SEMA6A: variants seen among roughly 807,000 people sequenced by gnomAD.
SEMA6A encodes the protein semaphorin-6A.
SEMA6A carries 25 observed loss-of-function variants against 96.8 expected under a neutral mutation model. The ratio of observed to expected loss-of-function variants is 0.26; its 90% CI spans 0.19 to 0.36. SEMA6A has a LOEUF of 0.36. SEMA6A is among the 10% of genes least tolerant of loss of function. SEMA6A has a pLI of 1.00. For synonymous variants in SEMA6A, 612 were observed against 518.0 expected (o/e 1.18, Z -2.46); for missense variants, 1,363 against 1,323.1 (o/e 1.03, Z -0.47).
chr5:116,567,487 T>C (rs1312943907), intron 1 of SEMA6A, among the ~76,000 whole-genome samples: 1 of 152,242 alleles, frequency 6.6e-6, no homozygotes, highest in Non-Finnish European at 1.5e-5. Context: ...ATACCTTATG[T>C]TGAATGACTG....
At position 116,447,015 on chromosome 5, in the gene SEMA6A, C is replaced by G. The variant is rs1286594588; in HGVS notation, c.2691G>C (p.Gln897His). ...SLGPPGASLS[Q>H]TGLSKRLEMH... ...TTTCCAGCCGCTTGCTTAGACCGGT[C>G]TGAGACAGGGAGGCTCCCGGGGGAC... Residue 897 changes from glutamine to histidine, a missense_variant, in exon 19 of 19, where the codon CAG becomes CAC. Coordinates refer to ENST00000343348, the MANE Select transcript of SEMA6A (RefSeq NM_020796.5). 6.2e-7 allele frequency: 1 copy of G among 1,613,946 alleles called. No homozygotes were observed. The highest frequency in any genetic ancestry group is 1.1e-5 in the South Asian group (1 of 91,078).
At chr5:116,464,379 A>C (rs909107220) in intron 18 of SEMA6A, among the ~76,000 whole-genome samples, 2 of 152,160 alleles carry the variant, frequency 1.3e-5, no homozygotes, top group Non-Finnish European at 2.9e-5. Flanking sequence ...ATATCAGGCA[A>C]TTTTAAAGAA....
intron 1 of SEMA6A, among the ~76,000 whole-genome samples, chr5:116,534,819 C>T (rs1759639006): frequency 6.6e-6 from 1 of 152,204 alleles, no homozygotes. Flanking sequence ...CACGTTATTA[C>T]TGAATGAATG....
chr5:116,482,809 C>T (rs920843577), intron 10 of SEMA6A, among the ~76,000 whole-genome samples: 1 of 152,154 alleles, frequency 6.6e-6, no homozygotes, highest in Non-Finnish European at 1.5e-5. Context: ...AGGAAAAAAA[C>T]TCTTCATGTC....
intron 1 of SEMA6A, among the ~76,000 whole-genome samples, chr5:116,509,947 C>T (rs1255997055): frequency 6.6e-6 from 1 of 152,162 alleles, no homozygotes; most frequent in African/African-American, 2.4e-5. Flanking sequence ...TCCCTCTACA[C>T]TCTTTCCTGG....
Position 116,447,448 on chromosome 5 carries a change from G to T in SEMA6A, c.2258C>A (p.Thr753Lys). The T allele has an allele frequency of 1.2e-6, 2 of 1,613,980 alleles. No individual in the cohort carries two copies. The highest frequency in any genetic ancestry group is 2.2e-5 in the East Asian group (1 of 44,898). Residue 753 changes from threonine to lysine, a missense_variant, in exon 19 of 19, where the codon ACG (threonine) becomes AAG (lysine). By Grantham distance (78) the Thr-to-Lys change is moderately conservative. Coordinates refer to ENST00000343348, the MANE Select transcript of SEMA6A (RefSeq NM_020796.5). Reference sequence around the variant, plus strand: ...GGTTGACTCTGGGGTGGGGAGGGCCGTCAGGTCCAGGTGGTGCTGGTCTGC... The same window carrying T: ...GGTTGACTCTGGGGTGGGGAGGGCCTTCAGGTCCAGGTGGTGCTGGTCTGC... ...IKADQHHLDL[T>K]ALPTPESTPT...
At chr5:116,564,128 G>C (rs781139802) in intron 1 of SEMA6A, among the ~76,000 whole-genome samples, 1 of 152,306 alleles carries the variant, frequency 6.6e-6, no homozygotes, top group South Asian at 2.1e-4. Context: ...GTTGGGTAAC[G>C]GATGGGTCAA....
chr5:116,460,256 G>A (rs1687781932), intron 18 of SEMA6A, among the ~76,000 whole-genome samples: 1 of 152,032 alleles, frequency 6.6e-6, no homozygotes, highest in Admixed American at 6.6e-5. Flanking sequence ...TTGAAAGCCT[G>A]TTTTCAATAA....
At chr5:116,511,190 C>T (rs1052586688) in intron 1 of SEMA6A, among the ~76,000 whole-genome samples, 2 of 152,174 alleles carry the variant, frequency 1.3e-5, no homozygotes, top group African/African-American at 4.8e-5. Context: ...TACACATCCT[C>T]CTGTATACTT....
intron 1 of SEMA6A, among the ~76,000 whole-genome samples, chr5:116,527,439 C>CT (rs527786627): frequency 2.4e-4 from 36 of 152,064 alleles, no homozygotes; most frequent in Non-Finnish European, 4.4e-4. Context: ...AATACATGCG[C>CT]TTTTTTCTAC....
intron 7 of SEMA6A, among the ~76,000 whole-genome samples, chr5:116,491,423 A>G (rs1226565057): frequency 9.3e-5 from 7 of 75,356 alleles, no homozygotes; most frequent in African/African-American, 3.1e-4. Flanking sequence ...TTTTAAATTT[A>G]ATTTTTTTTT....
At position 116,496,255 on chromosome 5, in the gene SEMA6A, T is replaced by C. The variant is rs761764976; in HGVS notation, c.338A>G (p.His113Arg). 7 of 1,613,546 alleles carry C rather than the reference T, an allele frequency of 4.3e-6. No homozygotes were observed. The highest frequency in any genetic ancestry group is 5.1e-6 in the Non-Finnish European group (6 of 1,179,670). Residue 113 changes from histidine (H) to arginine (R), a missense_variant, in exon 5 of 19, where the codon CAT (histidine) becomes CGT (arginine). By Grantham distance (29) the His-to-Arg change is conservative. Coordinates refer to ENST00000343348, the MANE Select transcript of SEMA6A (RefSeq NM_020796.5). ...DVDTCRMKGK[H>R]KDECHNFIKV... is the part of the protein sequence containing the mutation. ...GGAGAAATGAAAATTGCCTACCTTA[T>C]GTTTTCCCTTCATTCTGCATGTGTC...
At chr5:116,503,767 G>T (rs756484005) in intron 2 of SEMA6A, among the ~76,000 whole-genome samples, 1 of 151,880 alleles carries the variant, frequency 6.6e-6, no homozygotes, top group Non-Finnish European at 1.5e-5. Context: ...CGCCCACCTC[G>T]GCCTCCCAAA....
At chr5:116,487,815 G>T (rs1021446611) in intron 9 of SEMA6A, among the ~76,000 whole-genome samples, 1 of 152,148 alleles carries the variant, frequency 6.6e-6, no homozygotes, top group Non-Finnish European at 1.5e-5. Context: ...AGAGAGCCGA[G>T]ATTGTACCAC....
intron 6 of SEMA6A, 66 bp downstream of exon 6, chr5:116,495,347 G>A (rs1757540194): frequency 8.4e-7 from 1 of 1,190,294 alleles, no homozygotes. Flanking sequence ...GTTGCTGCAG[G>A]TACAATCACA....
chr5:116,478,422 A>G (rs1756579545), intron 13 of SEMA6A, 120 bp downstream of exon 13: 2 of 1,080,260 alleles, frequency 1.9e-6, no homozygotes, highest in Non-Finnish European at 2.6e-6. Flanking sequence ...TTTTACAAAC[A>G]GCACTAAAAA....
chr5:116,447,837 TAAG>T (rs776216108), intron 18 of SEMA6A, 26 bp from the exon 19 acceptor site: 2 of 1,529,226 alleles, frequency 1.3e-6, no homozygotes, highest in Admixed American at 4.1e-5. Flanking sequence ...CATATGGCGT[TAAG>T]AAATGAAAGC....
chr5:116,480,161 G>T lies in SEMA6A; in HGVS notation c.1211C>A (p.Ser404Tyr). The T allele has an allele frequency of 6.2e-7, 1 of 1,613,838 alleles. No individual in the cohort carries two copies. The highest frequency in any genetic ancestry group is 8.5e-7 in the Non-Finnish European group (1 of 1,179,786). ...THPLMDEAVP[S>Y]IFNRPWFLRT... ...CAGGAACCATGGCCTGTTGAAGATG[G>T]AGGGCACTGCCTCATCCATGAGCGG... Residue 404 changes from serine (S) to tyrosine (Y), a missense_variant, in exon 12 of 19, where the codon TCC becomes TAC. Physicochemically the swap from Ser to Tyr is moderately radical, Grantham distance 144 (BLOSUM62 -2). Around this residue, in one of 2 missense-constraint regions of SEMA6A, gnomAD observed 480 missense variants for 559.5 expected, o/e 0.86. Coordinates refer to ENST00000343348, the MANE Select transcript of SEMA6A (RefSeq NM_020796.5).
At chr5:116,485,877 G>A (rs943488256) in intron 10 of SEMA6A, among the ~76,000 whole-genome samples, 3 of 152,170 alleles carry the variant, frequency 2.0e-5, no homozygotes, top group African/African-American at 7.2e-5. Context: ...CTGAAATCTT[G>A]TTGGCTTAAC....
Sources: allele counts gnomAD v4.1 joint callset (sites outside exome capture counted in the v4.1 genomes callset), GRCh38; gene constraint gnomAD v4.1.1; regional missense constraint gnomAD v4.1.1; transcripts MANE v1.5; gene names NCBI Gene and HGNC (gene_info 2026-07-23, HGNC 2026-07-21).